The following FAM222B variants were observed in gnomAD, a reference collection of about 807,000 sequenced individuals.
The protein encoded by FAM222B is family with sequence similarity 222 member B, also known as protein FAM222B.
Under a neutral mutation model 38.0 loss-of-function variants are expected in FAM222B, and 12 were observed. The ratio of observed to expected loss-of-function variants is 0.32; its 90% CI spans 0.20 to 0.51. The LOEUF (loss-of-function observed/expected upper bound fraction) is 0.51, where lower values mean the gene tolerates loss of function less well. FAM222B is among the 20% of genes least tolerant of loss of function. The pLI is 0.97. For missense variants in FAM222B, 716 were observed against 754.2 expected, an observed-to-expected ratio of 0.95 and a Z score of 0.59; for synonymous variants, 329 against 317.2, an observed-to-expected ratio of 1.04 and a Z score of -0.40.
chr17:28,819,947 A>G (rs1026744479), intron 1 of FAM222B, among the ~76,000 whole-genome samples: 2 of 152,244 alleles, frequency 1.3e-5, no homozygotes, highest in African/African-American at 4.8e-5. Flanking sequence ...ATCAAAGAGG[A>G]AAAGAAACCT....
At chr17:28,823,360 CTATTT>C (rs749329210) in intron 1 of FAM222B, among the ~76,000 whole-genome samples, 2 of 139,548 alleles carry the variant, frequency 1.4e-5, no homozygotes, top group South Asian at 4.9e-4. Context: ...CCACTCCGTT[CTATTT>C]TTTTTTTTTT....
chr17:28,769,174 C>CTTTTTT (rs35918064), intron 1 of FAM222B, among the ~76,000 whole-genome samples: 179 of 82,562 alleles, frequency 2.2e-3, no homozygotes, highest in East Asian at 3.1e-3. Flanking sequence ...AATGTTAGTT[C>CTTTTTT]TTTTTTTTTT....
intron 1 of FAM222B, among the ~76,000 whole-genome samples, chr17:28,800,141 C>A (rs2037152616): frequency 6.6e-6 from 1 of 152,128 alleles, no homozygotes; most frequent in African/African-American, 2.4e-5. Flanking sequence ...AAGCGATTCT[C>A]CTGCCTCAGC....
intron 1 of FAM222B, among the ~76,000 whole-genome samples, chr17:28,805,760 AC>A (rs2037466729): frequency 6.6e-6 from 1 of 152,202 alleles, no homozygotes; most frequent in Non-Finnish European, 1.5e-5. Flanking sequence ...TAGTTGAATG[AC>A]CAAAGAAAAA....
At chr17:28,774,954 TTAAATAAA>T (rs534458509) in intron 1 of FAM222B, among the ~76,000 whole-genome samples, 5 of 148,852 alleles carry the variant, frequency 3.4e-5, no homozygotes, top group Admixed American at 6.8e-5. Context: ...AATAAATAAA[TTAAATAAA>T]TAAATAAATA....
rs1003339870 is a variant in FAM222B at position 28,757,644 on chromosome 17, A to G, written c.*626T>C. The G allele has an allele frequency of 1.3e-5, 2 of 152,174 alleles. No individual in the cohort carries two copies. The highest frequency in any genetic ancestry group is 3.9e-4 in the East Asian group (2 of 5,194). 9.4% of individuals were successfully genotyped at this position (152,174 alleles called of 1,614,324 possible). A position where few individuals can be genotyped will look rare whatever the true frequency, so the allele number is the denominator to read the frequency against. ...CCCATATCTCAAGAAATGGTCAAAT[A>G]CTTCCAAGATGCCCTTGAGATCAAG... On this transcript the variant is annotated 3_prime_UTR_variant, in exon 3 of 3. Transcript: ENST00000581407.
rs541169584 is a variant in FAM222B at position 28,758,004 on chromosome 17, C to T, written c.*266G>A. 3.3e-5 allele frequency: 12 copies of T among 361,236 alleles called. No individual in the cohort carries two copies. Among genetic ancestry groups the T allele is most frequent in the African/African-American group, 2.3e-4 (11 of 48,344 alleles). The allele number at this position is 361,236 out of a possible 1,614,324, so 22.4% of individuals were successfully genotyped here. A position where few individuals can be genotyped will look rare whatever the true frequency, so the allele number is the denominator to read the frequency against. On this transcript the variant is annotated 3_prime_UTR_variant, in exon 3 of 3. Coordinates refer to ENST00000581407, the MANE Select transcript of FAM222B (RefSeq NM_001077498.3). Reference sequence around the variant, plus strand: ...TGGGTGGGAGCTGGCTGGAAATGGCCAAGGTGGAGAGACTAGCTGACAGGC... The same window carrying T: ...TGGGTGGGAGCTGGCTGGAAATGGCTAAGGTGGAGAGACTAGCTGACAGGC...
intron 1 of FAM222B, among the ~76,000 whole-genome samples, chr17:28,793,639 T>C (rs1279916047): frequency 6.6e-6 from 1 of 152,172 alleles, no homozygotes; most frequent in Non-Finnish European, 1.5e-5. Flanking sequence ...AAGTGTGTTA[T>C]GACCCTTCTG....
intron 2 of FAM222B, chr17:28,761,836 C>T (rs1243190722): frequency 6.6e-6 from 1 of 152,178 alleles, no homozygotes; most frequent in African/African-American, 2.4e-5. Flanking sequence ...CATCAGAATT[C>T]CAACAGAAGC....
chr17:28,837,688 T>G (rs983446214), intron 1 of FAM222B, among the ~76,000 whole-genome samples: 3 of 151,520 alleles, frequency 2.0e-5, no homozygotes, highest in African/African-American at 7.3e-5. Context: ...TCGCTCGCTG[T>G]TTCGCCCAGG....
At chr17:28,819,346 G>A (rs1164661382) in intron 1 of FAM222B, among the ~76,000 whole-genome samples, 2 of 152,032 alleles carry the variant, frequency 1.3e-5, no homozygotes, top group East Asian at 1.9e-4. Flanking sequence ...AACCAAAGGG[G>A]AAAATATTCA....
In FAM222B at chr17:28,772,521, G is replaced by A. The variant is rs1399163657; in HGVS notation, c.-40-5814C>T. ...GGGCGGATCACGAGGTCAAGAGATC[G>A]AGACCATCCTGGCTAACACAGTGAA... On this transcript the variant is annotated intron_variant, in intron 1 of 2. Coordinates refer to ENST00000581407, the MANE Select transcript of FAM222B (RefSeq NM_001077498.3). Among the ~76,000 whole-genome samples the A allele has an allele frequency of 9.4e-5, 13 of 138,838 alleles. 1 individual carries two copies. Among genetic ancestry groups the A allele is most frequent in the African/African-American group, 3.1e-4 (12 of 38,146 alleles). 91.1% of individuals were successfully genotyped at this position (138,838 alleles called of 152,430 possible).
At chr17:28,808,437 C>G (rs1454425183) in intron 1 of FAM222B, among the ~76,000 whole-genome samples, 1 of 152,198 alleles carries the variant, frequency 6.6e-6, no homozygotes, top group East Asian at 1.9e-4. Flanking sequence ...AAAGACAGCT[C>G]TGGCCTTCAC....
At chr17:28,814,934 C>T (rs768132822) in intron 1 of FAM222B, among the ~76,000 whole-genome samples, 3 of 151,102 alleles carry the variant, frequency 2.0e-5, no homozygotes, top group Non-Finnish European at 3.0e-5. Flanking sequence ...CCACCGTGCC[C>T]GGCTAATTTT....
intron 2 of FAM222B, among the ~76,000 whole-genome samples, chr17:28,762,623 T>C (rs1468088389): frequency 1.6e-5 from 1 of 61,502 alleles, no homozygotes; most frequent in East Asian, 5.2e-4. Context: ...CGAGACTCCA[T>C]CTCAAAAAAA....
At chr17:28,847,263 C>T (rs2039151453), upstream of FAM222B, among the ~76,000 whole-genome samples, 1 of 151,608 alleles carries the variant, frequency 6.6e-6, no homozygotes. Flanking sequence ...ACTTCCGTGA[C>T]CCCAAGTTAC....
At chr17:28,827,820 G>A (rs1039887974) in intron 1 of FAM222B, among the ~76,000 whole-genome samples, 5 of 152,176 alleles carry the variant, frequency 3.3e-5, no homozygotes, top group African/African-American at 1.2e-4. Flanking sequence ...GGGCTTTAAA[G>A]GGAAAGGGCA....
intron 1 of FAM222B, among the ~76,000 whole-genome samples, chr17:28,812,631 G>A (rs2037839070): frequency 6.6e-6 from 1 of 152,216 alleles, no homozygotes; most frequent in East Asian, 1.9e-4. Context: ...GACCCGGCCC[G>A]ACTCGGCTCC....
intron 1 of FAM222B, among the ~76,000 whole-genome samples, chr17:28,769,646 C>T (rs1224006219): frequency 1.3e-5 from 2 of 152,176 alleles, no homozygotes; most frequent in Non-Finnish European, 2.9e-5. Flanking sequence ...TAATGACTTT[C>T]CATCTAAGAA....
Sources: allele counts gnomAD v4.1 joint callset (sites outside exome capture counted in the v4.1 genomes callset), GRCh38; gene constraint gnomAD v4.1.1; transcripts MANE v1.5; gene names NCBI Gene and HGNC (gene_info 2026-07-23, HGNC 2026-07-21).